The following OR1L6 variants were observed in gnomAD, a reference collection of about 807,000 sequenced individuals.
OR1L6 encodes the protein olfactory receptor family 1 subfamily L member 6, also known as olfactory receptor 1L6.
In OR1L6, 2 loss-of-function variants were observed where a neutral mutation model predicts 3.0. That is an observed-to-expected ratio of 0.68 (90% confidence interval 0.28 to 2.13). The LOEUF (loss-of-function observed/expected upper bound fraction) is 2.13, where lower values mean the gene tolerates loss of function less well. OR1L6 is among the 30% of genes most tolerant of loss of function. OR1L6 has a pLI of 0.14. For synonymous variants in OR1L6, 121 were observed against 148.4 expected, an observed-to-expected ratio of 0.82 and a Z score of 1.34; for missense variants, 304 against 378.4, an observed-to-expected ratio of 0.80 and a Z score of 1.63.
intron 1 of OR1L6, among the ~76,000 whole-genome samples, chr9:122,742,948 T>C (rs1277771244): frequency 2.0e-5 from 3 of 152,224 alleles, no homozygotes; most frequent in African/African-American, 7.2e-5. Context: ...GTGAGCTCCT[T>C]GTCTCTAGAA....
chr9:122,744,593 A>G (rs1828817327), intron 1 of OR1L6, among the ~76,000 whole-genome samples: 1 of 152,212 alleles, frequency 6.6e-6, no homozygotes, highest in South Asian at 2.1e-4. Flanking sequence ...TTTTAAAGTG[A>G]AATGATGTGA....
intron 1 of OR1L6, among the ~76,000 whole-genome samples, chr9:122,749,524 A>C (rs996733880): frequency 2.0e-5 from 3 of 152,134 alleles, no homozygotes; most frequent in Non-Finnish European, 4.4e-5. Context: ...ACTGTAACAC[A>C]GTGAAACCCC....
chr9:122,743,798 G>A (rs984970178), intron 1 of OR1L6, among the ~76,000 whole-genome samples: 11 of 152,208 alleles, frequency 7.2e-5, no homozygotes, highest in Admixed American at 2.6e-4. Context: ...GCAGAAATGC[G>A]TGTAGGAAGG....
chr9:122,750,576 C>G lies in OR1L6; in HGVS notation c.729C>G (p.Gly243=). 6.2e-7 allele frequency: 1 copy of G among 1,613,928 alleles called. No individual in the cohort carries two copies. The highest frequency in any genetic ancestry group is 8.5e-7 in the Non-Finnish European group (1 of 1,179,946). ...AGKWKAFSTC[G]SHLTAVALFY... ...AGTGGAAGGCCTTCTCTACCTGTGG[C>G]TCCCACCTCACTGCAGTAGCCCTTT... Residue 243 remains glycine, a synonymous_variant, in exon 2 of 2, where the codon GGC becomes GGG. Transcript: ENST00000304720.
At chr9:122,749,174 G>A (rs553734802) in intron 1 of OR1L6, among the ~76,000 whole-genome samples, 5 of 152,272 alleles carry the variant, frequency 3.3e-5, no homozygotes, top group Admixed American at 3.3e-4. Context: ...AATATATTTT[G>A]AAGTCAGGTA....
chr9:122,743,147 G>A (rs1828805818), intron 1 of OR1L6, among the ~76,000 whole-genome samples: 1 of 152,208 alleles, frequency 6.6e-6, no homozygotes, highest in African/African-American at 2.4e-5. Context: ...CTGATCACAG[G>A]TAGGGGAGGC....
intron 1 of OR1L6, among the ~76,000 whole-genome samples, chr9:122,746,340 T>C (rs964315506): frequency 2.0e-5 from 3 of 152,184 alleles, no homozygotes; most frequent in Non-Finnish European, 4.4e-5. Context: ...GATAAAAGCT[T>C]TGCAAAGCAC....
At chr9:122,748,807 T>G (rs2118910172) in intron 1 of OR1L6, among the ~76,000 whole-genome samples, 1 of 152,276 alleles carries the variant, frequency 6.6e-6, no homozygotes, top group African/African-American at 2.4e-5. Context: ...TGATTTTATA[T>G]TTTTTTATTT....
In OR1L6 at chr9:122,750,229, T is replaced by C. The variant is rs200472550; in HGVS notation, c.382T>C (p.Cys128Arg). 1 of 1,614,040 alleles carries C rather than the reference T, an allele frequency of 6.2e-7. No homozygotes were observed. The highest frequency in any genetic ancestry group is 8.5e-7 in the Non-Finnish European group (1 of 1,180,024). ...SMAIDRLVAICNPLHYDVVMK... is the reference protein window; with the variant it reads ...SMAIDRLVAIRNPLHYDVVMK... The stretch of plus-strand genomic sequence containing the variant: ...GGCCATCGACCGGCTGGTGGCCATC[T>C]GCAACCCCTTACACTATGATGTGGT... Residue 128 changes from cysteine (C) to arginine (R), a missense_variant, in exon 2 of 2, where the codon TGC becomes CGC. Physicochemically the swap from Cys to Arg is radical, Grantham distance 180. Coordinates refer to ENST00000304720, the MANE Select transcript of OR1L6 (RefSeq NM_001004453.3).
At chr9:122,747,062 C>T (rs527496688) in intron 1 of OR1L6, among the ~76,000 whole-genome samples, 17 of 152,090 alleles carry the variant, frequency 1.1e-4, no homozygotes, top group African/African-American at 2.9e-4. Flanking sequence ...GGATTTTTAA[C>T]TTTTAGGTTG....
At chr9:122,745,390 G>T (rs949361965) in intron 1 of OR1L6, among the ~76,000 whole-genome samples, 4 of 143,442 alleles carry the variant, frequency 2.8e-5, no homozygotes, top group Non-Finnish European at 6.0e-5. Context: ...ATTACGAAAT[G>T]ACTATAAATA....
intron 1 of OR1L6, among the ~76,000 whole-genome samples, chr9:122,742,955 A>T (rs978808732): frequency 9.9e-5 from 15 of 152,214 alleles, no homozygotes; most frequent in African/African-American, 1.4e-4. Context: ...CCTTGTCTCT[A>T]GAATCACGGA....
chr9:122,749,656 T>C (rs943792122), intron 1 of OR1L6, 179 bp from the exon 2 acceptor site: 30 of 685,836 alleles, frequency 4.4e-5, no homozygotes, highest in Middle Eastern at 2.5e-4. Flanking sequence ...TGCAGTGAGC[T>C]GAGATCACGC....
intron 1 of OR1L6, 113 bp from the exon 2 acceptor site, chr9:122,749,719 AAAC>A (rs769441052): frequency 1.7e-5 from 17 of 1,018,534 alleles, no homozygotes; most frequent in Non-Finnish European, 2.3e-5. Context: ...AAGAAAAAAA[AAAC>A]AACCGTAACA....
intron 1 of OR1L6, 104 bp from the exon 2 acceptor site, chr9:122,749,731 C>G (rs749834357): frequency 1.9e-6 from 2 of 1,077,852 alleles, no homozygotes; most frequent in East Asian, 4.7e-5. Context: ...ACAACCGTAA[C>G]AAAGGGCTAT....
chr9:122,744,972 G>C (rs1828820920), intron 1 of OR1L6, among the ~76,000 whole-genome samples: 1 of 152,174 alleles, frequency 6.6e-6, no homozygotes, highest in Admixed American at 6.5e-5. Context: ...AGGGTGATGA[G>C]ATAGCCCTTT....
intron 1 of OR1L6, among the ~76,000 whole-genome samples, chr9:122,747,975 T>TA (rs1828852986): frequency 6.6e-6 from 1 of 152,182 alleles, no homozygotes; most frequent in Non-Finnish European, 1.5e-5. Flanking sequence ...CAAAGTTTTA[T>TA]AATCCTGTAA....
chr9:122,748,726 A>G (rs1388779978), intron 1 of OR1L6, among the ~76,000 whole-genome samples: 3 of 152,032 alleles, frequency 2.0e-5, no homozygotes, highest in African/African-American at 7.2e-5. Context: ...CCATCATTCC[A>G]CTCACAATGA....
At chr9:122,744,413 C>T (rs1224965158) in intron 1 of OR1L6, among the ~76,000 whole-genome samples, 2 of 152,062 alleles carry the variant, frequency 1.3e-5, no homozygotes, top group African/African-American at 4.8e-5. Context: ...ATGTGTACTC[C>T]CTGGTTTCAT....
Sources: allele counts gnomAD v4.1 joint callset (sites outside exome capture counted in the v4.1 genomes callset), GRCh38; gene constraint gnomAD v4.1.1; transcripts MANE v1.5; gene names NCBI Gene and HGNC (gene_info 2026-07-23, HGNC 2026-07-21).